ZFHX3: variants seen among roughly 807,000 people sequenced by gnomAD.
ZFHX3 encodes the protein zinc finger homeobox 3.
ZFHX3 carries 42 observed loss-of-function variants against 279.1 expected under a neutral mutation model. The ratio of observed to expected loss-of-function variants is 0.15; its 90% CI spans 0.12 to 0.19. The LOEUF (loss-of-function observed/expected upper bound fraction) is 0.19, where lower values mean the gene tolerates loss of function less well. Ranked by LOEUF, ZFHX3 falls within the 10% of genes least tolerant of loss-of-function variation. The probability of loss-of-function intolerance (pLI) is 1.00; values close to 1 mark genes in which losing one functional copy is unlikely to be tolerated. For missense variants in ZFHX3, 4,981 were observed against 4,754.0 expected (o/e 1.05, Z -1.40); for synonymous variants, 2,293 against 1,957.8 (o/e 1.17, Z -4.52).
intron 3 of ZFHX3, among the ~76,000 whole-genome samples, chr16:72,942,550 T>C (rs1960461871): frequency 6.6e-6 from 1 of 152,186 alleles, no homozygotes. Flanking sequence ...CTTTCTGAAA[T>C]TAGACCTCCT....
intron 2 of ZFHX3, among the ~76,000 whole-genome samples, chr16:73,533,989 A>G (rs1403176473): frequency 6.6e-6 from 1 of 152,186 alleles, no homozygotes; most frequent in East Asian, 1.9e-4. Flanking sequence ...CCCAAAAGCC[A>G]GAGAAATCCT....
intron 1 of ZFHX3, among the ~76,000 whole-genome samples, chr16:73,035,342 A>T (rs1305985853): frequency 2.6e-5 from 4 of 152,178 alleles, no homozygotes; most frequent in African/African-American, 9.7e-5. Context: ...TTTCTACTGG[A>T]TGGTCCTGTT....
intron 7 of ZFHX3, among the ~76,000 whole-genome samples, chr16:73,105,374 T>C (rs181878956): frequency 2.5e-4 from 10 of 39,672 alleles, no homozygotes; most frequent in South Asian, 2.5e-3. Flanking sequence ...TACACACATA[T>C]ATATATATAC....
intron 5 of ZFHX3, among the ~76,000 whole-genome samples, chr16:73,172,293 C>T (rs974405163): frequency 1.3e-5 from 2 of 152,228 alleles, no homozygotes; most frequent in African/African-American, 4.8e-5. Context: ...TGAAACTGAC[C>T]AGCTCCGACG....
chr16:73,771,254 C>G (rs528296735), intron 1 of ZFHX3, among the ~76,000 whole-genome samples: 2 of 152,128 alleles, frequency 1.3e-5, no homozygotes, highest in Admixed American at 6.5e-5. Context: ...TCAGTAGGGC[C>G]AGGATGAATC....
intron 1 of ZFHX3, among the ~76,000 whole-genome samples, chr16:73,055,692 G>GCACACACACACACACACA (rs1232763125): frequency 1.2e-4 from 11 of 95,302 alleles, no homozygotes; most frequent in African/African-American, 3.3e-4. Context: ...GCGCGCGCGC[G>GCACACACACACACACACA]CGCGCGCACA....
At chr16:73,582,857 G>A (rs1415206654) in intron 2 of ZFHX3, among the ~76,000 whole-genome samples, 1 of 151,266 alleles carries the variant, frequency 6.6e-6, no homozygotes, top group African/African-American at 2.5e-5. Context: ...CAGCAAGAGT[G>A]CTTAAGAAGC....
chr16:72,916,856 G>A (rs764265997), intron 3 of ZFHX3, among the ~76,000 whole-genome samples: 1 of 152,178 alleles, frequency 6.6e-6, no homozygotes, highest in Non-Finnish European at 1.5e-5. Flanking sequence ...GGATAACAGA[G>A]TTAAGTGTCA....
chr16:72,815,413 A>T lies in ZFHX3; in HGVS notation c.3530-3375T>A, dbSNP rs571358612. On this transcript the variant is annotated intron_variant, in intron 5 of 9. Coordinates refer to ENST00000268489, the MANE Select transcript of ZFHX3 (RefSeq NM_006885.4). ...ACAGAGTGAGACTGTCTCAAAAAAA[A>T]AAAAAAAAAGAGTTGTGCAAGTTCT... 2.4e-3 allele frequency among the ~76,000 whole-genome samples: 371 copies of T among 152,090 alleles called. 1 individual carries two copies. The highest frequency in any genetic ancestry group is 4.3e-3 in the Admixed American group (66 of 15,268).
chr16:73,390,960 G>C (rs1477389), intron 3 of ZFHX3, among the ~76,000 whole-genome samples: 92,884 of 151,772 alleles, frequency 0.61, 29,044 homozygotes, highest in Non-Finnish European at 0.68. Flanking sequence ...CCCGAGAATA[G>C]TGTCACATGC....
chr16:73,221,233 G>A (rs1173000968), intron 5 of ZFHX3, among the ~76,000 whole-genome samples: 1 of 151,986 alleles, frequency 6.6e-6, no homozygotes, highest in East Asian at 1.9e-4. Flanking sequence ...CTTACAAATG[G>A]TATGTGTGCC....
At chr16:73,179,346 G>A (rs926109475) in intron 5 of ZFHX3, among the ~76,000 whole-genome samples, 1 of 152,078 alleles carries the variant, frequency 6.6e-6, no homozygotes, top group African/African-American at 2.4e-5. Context: ...CAGAACCTTG[G>A]GCCTTTCAAG....
intron 2 of ZFHX3, among the ~76,000 whole-genome samples, chr16:73,593,408 A>G (rs76904862): frequency 5.3e-4 from 81 of 152,328 alleles, no homozygotes; most frequent in Non-Finnish European, 1.0e-3. Flanking sequence ...ACAAATAAAA[A>G]TGATAACATG....
chr16:73,189,233 C>G (rs1737739184), intron 5 of ZFHX3, among the ~76,000 whole-genome samples: 1 of 152,214 alleles, frequency 6.6e-6, no homozygotes, highest in Non-Finnish European at 1.5e-5. Flanking sequence ...TCTCCAACGT[C>G]TCTACCTTCT....
At chr16:72,993,494 CTCA>C (rs1400946636) in intron 1 of ZFHX3, among the ~76,000 whole-genome samples, 1 of 152,140 alleles carries the variant, frequency 6.6e-6, no homozygotes, top group Non-Finnish European at 1.5e-5. Flanking sequence ...AGCTGCCCTC[CTCA>C]TGACTCTAAA....
chr16:73,127,801 G>A lies in ZFHX3; in HGVS notation c.-897+3167C>T, dbSNP rs186001734. Among the ~76,000 whole-genome samples the A allele has an allele frequency of 3.9e-5, 6 of 152,328 alleles. No individual in the cohort carries two copies. In the East Asian group the frequency reaches 1.2e-3, roughly 29 times the overall value. ...GAATGGTGCCATATAGTGTAGTTAAGAGACTGGCTGATGACTTATTTTCCT... is the reference window on the plus strand; with the variant it reads ...GAATGGTGCCATATAGTGTAGTTAAAAGACTGGCTGATGACTTATTTTCCT... On this transcript the variant is annotated intron_variant, in intron 7 of 17. Transcript: ENST00000641206.
At chr16:73,200,250 CA>C (rs1166646664) in intron 5 of ZFHX3, among the ~76,000 whole-genome samples, 2 of 151,974 alleles carry the variant, frequency 1.3e-5, no homozygotes, top group Non-Finnish European at 2.9e-5. Context: ...GTCTCCTATC[CA>C]GACTTCATTA....
At chr16:73,036,396 A>G (rs1964905627) in intron 1 of ZFHX3, among the ~76,000 whole-genome samples, 1 of 152,196 alleles carries the variant, frequency 6.6e-6, no homozygotes, top group Non-Finnish European at 1.5e-5. Context: ...GGATTAGCAC[A>G]GGAATGCGCT....
chr16:72,972,905 C>G (rs754084955), intron 1 of ZFHX3, among the ~76,000 whole-genome samples: 24 of 152,172 alleles, frequency 1.6e-4, no homozygotes, highest in Non-Finnish European at 1.9e-4. Context: ...ATTCTTTTAT[C>G]ATTTCAACTC....
Sources: allele counts gnomAD v4.1 joint callset (sites outside exome capture counted in the v4.1 genomes callset), GRCh38; gene constraint gnomAD v4.1.1; transcripts MANE v1.5; gene names NCBI Gene and HGNC (gene_info 2026-07-23, HGNC 2026-07-21).